CDH23: variants seen among roughly 807,000 people sequenced by gnomAD.
CDH23 encodes the protein cadherin related 23, also known as cadherin-23.
Under a neutral mutation model 317.1 loss-of-function variants are expected in CDH23, and 189 were observed. The ratio of observed to expected loss-of-function variants is 0.60; its 90% CI spans 0.53 to 0.67. CDH23 has a LOEUF of 0.67. CDH23 is among the 30% of genes least tolerant of loss of function. The pLI, the probability that CDH23 is intolerant of heterozygous loss-of-function variation, is 0.00. For missense variants in CDH23, 4,401 were observed against 4,592.4 expected, an observed-to-expected ratio of 0.96 and a Z score of 1.20; for synonymous variants, 1,839 against 1,876.8, an observed-to-expected ratio of 0.98 and a Z score of 0.52.
intron 55 of CDH23, 75 bp downstream of exon 55, chr10:71,803,495 C>T: frequency 7.4e-7 from 1 of 1,357,466 alleles, no homozygotes; most frequent in East Asian, 2.5e-5. Flanking sequence ...GTGGAAGCAC[C>T]CCACTCTAAA....
chr10:71,803,837 A>T (rs989816926), intron 55 of CDH23, among the ~76,000 whole-genome samples: 1 of 126,158 alleles, frequency 7.9e-6, no homozygotes, highest in South Asian at 2.5e-4. Flanking sequence ...AAAAAAAAAA[A>T]GGCTGGGCAT....
intron 18 of CDH23, among the ~76,000 whole-genome samples, chr10:71,683,314 G>A (rs1012263915): frequency 1.3e-5 from 2 of 152,198 alleles, no homozygotes; most frequent in African/African-American, 2.4e-5. Flanking sequence ...TATCGGCTCC[G>A]GGAGGATTAG....
At chr10:71,493,488 C>T (rs1017611308) in intron 3 of CDH23, among the ~76,000 whole-genome samples, 3 of 152,352 alleles carry the variant, frequency 2.0e-5, no homozygotes, top group Admixed American at 1.3e-4. Context: ...CAAGAAGAGA[C>T]ATGCCTGAGG....
chr10:71,765,948 T>C (rs1313068800), intron 38 of CDH23, among the ~76,000 whole-genome samples: 1 of 151,976 alleles, frequency 6.6e-6, no homozygotes, highest in Non-Finnish European at 1.5e-5. Flanking sequence ...AAACACCCCA[T>C]TTACTGTGTC....
At chr10:71,622,688 T>A (rs1415168233) in intron 11 of CDH23, among the ~76,000 whole-genome samples, 1 of 152,202 alleles carries the variant, frequency 6.6e-6, no homozygotes, top group Non-Finnish European at 1.5e-5. Flanking sequence ...GAAATACCAT[T>A]TGCGGATGTC....
chr10:71,444,440 G>T (rs1290488168), intron 2 of CDH23, among the ~76,000 whole-genome samples: 1 of 152,228 alleles, frequency 6.6e-6, no homozygotes, highest in African/African-American at 2.4e-5. Flanking sequence ...AGGAGACTGG[G>T]GAGGTGTGTA....
intron 3 of CDH23, among the ~76,000 whole-genome samples, chr10:71,502,539 G>A (rs1177759489): frequency 6.6e-6 from 1 of 152,194 alleles, no homozygotes; most frequent in Non-Finnish European, 1.5e-5. Context: ...CCTTCAAGGG[G>A]TGATGGCCTC....
chr10:71,511,243 A>G (rs755172391), intron 6 of CDH23, 31 bp downstream of exon 6: 1 of 1,564,564 alleles, frequency 6.4e-7, no homozygotes, highest in Non-Finnish European at 8.8e-7. Context: ...CCTTGAGGGT[A>G]TCAGAGACCT....
In CDH23 at chr10:71,618,801, C is replaced by T. The variant is rs1039108098; in HGVS notation, c.1134+1408C>T. Among the ~76,000 whole-genome samples, 32 of 151,900 alleles carry T rather than the reference C, an allele frequency of 2.1e-4. 1 individual carries two copies. The highest frequency in any genetic ancestry group is 7.3e-5 in the Non-Finnish European group (5 of 68,038). ...ACTCAGGGCACGTGGGCAAGTCAGT[C>T]CCACCATGTGCCTGTGTGTGTGCTC... On this transcript the variant is annotated intron_variant, in intron 11 of 69. Coordinates refer to ENST00000224721, the MANE Select transcript of CDH23 (RefSeq NM_022124.6).
chr10:71,667,239 C>G (rs1863940546), intron 14 of CDH23, among the ~76,000 whole-genome samples: 1 of 152,162 alleles, frequency 6.6e-6, no homozygotes, highest in Non-Finnish European at 1.5e-5. Flanking sequence ...GCCTGCCAGC[C>G]TGTGGTCTGC....
chr10:71,769,141 T>C (rs10999992), intron 38 of CDH23, among the ~76,000 whole-genome samples: 20,102 of 152,270 alleles, frequency 0.13, 1,624 homozygotes, highest in East Asian at 0.28. Flanking sequence ...GAATCATATA[T>C]AGAAGAGGTT....
intron 25 of CDH23, 43 bp from the exon 26 acceptor site, chr10:71,706,854 G>C: frequency 6.4e-7 from 1 of 1,550,902 alleles, no homozygotes; most frequent in Non-Finnish European, 8.7e-7. Flanking sequence ...GGTCTTCTGC[G>C]GCAGAAGCCA....
At chr10:71,464,480 C>T (rs1034791230) in intron 3 of CDH23, among the ~76,000 whole-genome samples, 1 of 152,190 alleles carries the variant, frequency 6.6e-6, no homozygotes, top group African/African-American at 2.4e-5. Context: ...CCCCACTGGT[C>T]CTGCTGCACT....
chr10:71,468,120 CT>C (rs1483541765), intron 3 of CDH23, among the ~76,000 whole-genome samples: 1 of 152,224 alleles, frequency 6.6e-6, no homozygotes. Flanking sequence ...ACCTGGCCCC[CT>C]GTCCTCCTCT....
At chr10:71,629,940 CT>C (rs1327219940) in intron 11 of CDH23, among the ~76,000 whole-genome samples, 1 of 152,178 alleles carries the variant, frequency 6.6e-6, no homozygotes, top group Non-Finnish European at 1.5e-5. Context: ...AGGAAAAATG[CT>C]GAATTGTTCG....
chr10:71,781,132 A>G (rs1054606031), intron 41 of CDH23, among the ~76,000 whole-genome samples: 3 of 152,182 alleles, frequency 2.0e-5, no homozygotes, highest in Non-Finnish European at 4.4e-5. Flanking sequence ...AGTTGTCAGC[A>G]TAGAGGTATT....
intron 22 of CDH23, among the ~76,000 whole-genome samples, chr10:71,695,952 C>G (rs1227074): frequency 0.34 from 52,285 of 152,130 alleles, 9,638 homozygotes; most frequent in East Asian, 0.52. Context: ...ATCTGGGTCA[C>G]CTCCCCCACG....
At chr10:71,626,506 C>A (rs1231123917) in intron 11 of CDH23, among the ~76,000 whole-genome samples, 1 of 152,188 alleles carries the variant, frequency 6.6e-6, no homozygotes, top group Admixed American at 6.5e-5. Flanking sequence ...GAAATGTACA[C>A]CCCAGCATCT....
chr10:71,747,719 C>T (rs1243160918), intron 38 of CDH23: 1 of 152,212 alleles, frequency 6.6e-6, no homozygotes, highest in Non-Finnish European at 1.5e-5. Flanking sequence ...TGGAAAGCAC[C>T]AAGTATTCTA....
Sources: allele counts gnomAD v4.1 joint callset (sites outside exome capture counted in the v4.1 genomes callset), GRCh38; gene constraint gnomAD v4.1.1; transcripts MANE v1.5; gene names NCBI Gene and HGNC (gene_info 2026-07-23, HGNC 2026-07-21).